SP110: variants seen among roughly 807,000 people sequenced by gnomAD.
SP110 encodes the protein interferon-induced protein 41, 30kD.
In SP110, 62 loss-of-function variants were observed where a neutral mutation model predicts 92.7. That is an observed-to-expected ratio of 0.67 (90% CI 0.55 to 0.83). The LOEUF is 0.83. Among genes scored for constraint, SP110 ranks in the 40% least tolerant of loss-of-function variants. The pLI is 0.00. For synonymous variants in SP110, 273 were observed against 305.3 expected (o/e 0.89, Z 1.10); for missense variants, 793 against 863.9 (o/e 0.92, Z 1.03).
intron 7 of SP110, among the ~76,000 whole-genome samples, chr2:230,208,849 G>A (rs1489031181): frequency 2.0e-5 from 3 of 152,286 alleles, no homozygotes; most frequent in African/African-American, 7.2e-5. Context: ...CTAGGAAAAG[G>A]CAGAGAGGAA....
chr2:230,218,245 G>A (rs1276597524), intron 1 of SP110, among the ~76,000 whole-genome samples: 9 of 152,168 alleles, frequency 5.9e-5, no homozygotes, highest in African/African-American at 9.7e-5. Flanking sequence ...AAAGTAAATC[G>A]TAATTAACAA....
At chr2:230,191,072 GT>G (rs968155659) in intron 10 of SP110, among the ~76,000 whole-genome samples, 102 of 151,624 alleles carry the variant, frequency 6.7e-4, no homozygotes, top group African/African-American at 2.2e-3. Flanking sequence ...ATTTAAAATA[GT>G]TTTTTTTTCT....
At chr2:230,196,700 A>T (rs1256769507) in intron 10 of SP110, among the ~76,000 whole-genome samples, 1 of 106,572 alleles carries the variant, frequency 9.4e-6, no homozygotes, top group Non-Finnish European at 2.0e-5. Context: ...TCCTCCCCGC[A>T]CCCCACAACA....
intron 10 of SP110, among the ~76,000 whole-genome samples, chr2:230,189,779 T>A (rs199868153): frequency 1.3e-5 from 2 of 152,138 alleles, no homozygotes; most frequent in East Asian, 3.9e-4. Context: ...CACTTATGAG[T>A]GAGAACATGC....
At chr2:230,178,812 C>T (rs984128598) in intron 12 of SP110, among the ~76,000 whole-genome samples, 1 of 152,218 alleles carries the variant, frequency 6.6e-6, no homozygotes, top group Non-Finnish European at 1.5e-5. Flanking sequence ...TTCCCAGTTG[C>T]TCATGGAGCA....
In SP110 at chr2:230,216,802, G is replaced by A. The variant is rs139246977; in HGVS notation, c.126C>T (p.Ile42=). The A allele has an allele frequency of 8.1e-6, 13 of 1,613,942 alleles. No individual in the cohort carries two copies. In the African/African-American group the frequency reaches 1.5e-4, roughly 18 times the overall value. The change falls in exon 2 of 19, where the codon ATC becomes ATT. Residue 42 remains isoleucine, a synonymous_variant. Coordinates refer to ENST00000258381, the MANE Select transcript of SP110 (RefSeq NM_080424.4). ...PFFEGLLDNS[I]ITKRMYMESL... is the part of the protein sequence containing the mutation. ...TCACCATGTACATTCTCTTAGTGAT[G>A]ATGGAGTTGTCTAGGAGGCCTTCAA...
At chr2:230,219,338 T>G (rs964121441) in intron 1 of SP110, among the ~76,000 whole-genome samples, 2 of 152,230 alleles carry the variant, frequency 1.3e-5, no homozygotes, top group African/African-American at 4.8e-5. Flanking sequence ...TCAGACACTG[T>G]GAGTGGGAAG....
chr2:230,220,017 C>CGA, upstream of SP110: 1 of 985,524 alleles, frequency 1.0e-6, no homozygotes, highest in Non-Finnish European at 1.2e-6. Context: ...GCCGGGCTTC[C>CGA]GAGAAAAGAA....
upstream of SP110, among the ~76,000 whole-genome samples, chr2:230,224,065 A>C (rs78177229): frequency 2.4e-4 from 36 of 152,290 alleles, 1 homozygote; most frequent in East Asian, 6.0e-3. Context: ...GAAAAACAAG[A>C]TAGTGGGAAA....
At chr2:230,222,615 C>G (rs2045913660), upstream of SP110, among the ~76,000 whole-genome samples, 1 of 151,300 alleles carries the variant, frequency 6.6e-6, no homozygotes, top group South Asian at 2.1e-4. Flanking sequence ...TCCCCGCTAT[C>G]AGGGAGACAG....
chr2:230,193,430 G>A (rs1041644992), intron 10 of SP110, among the ~76,000 whole-genome samples: 2 of 152,098 alleles, frequency 1.3e-5, no homozygotes, highest in South Asian at 4.1e-4. Context: ...TTTCTTCATT[G>A]TGTTATTGTT....
intron 14 of SP110, chr2:230,174,232 C>T (rs954690437): frequency 6.6e-6 from 1 of 152,186 alleles, no homozygotes; most frequent in Admixed American, 6.5e-5. Context: ...CTGACACTGT[C>T]AAAAAATAAT....
At chr2:230,186,202 T>G in intron 10 of SP110, 59 bp from the exon 11 acceptor site, 1 of 1,551,114 alleles carries the variant, frequency 6.4e-7, no homozygotes, top group Non-Finnish European at 8.9e-7. Flanking sequence ...TCCCAGCCCC[T>G]ACCCTTTCAG....
intron 10 of SP110, among the ~76,000 whole-genome samples, chr2:230,198,086 G>A (rs1451211294): frequency 2.6e-5 from 4 of 151,858 alleles, no homozygotes; most frequent in Non-Finnish European, 5.9e-5. Flanking sequence ...TCTATCACAT[G>A]AAGTTCTCTG....
At chr2:230,171,979 T>C in intron 16 of SP110, 87 bp downstream of exon 16, 1 of 903,534 alleles carries the variant, frequency 1.1e-6, no homozygotes, top group East Asian at 2.4e-5. Context: ...GAAGGCTCCC[T>C]TTGGTACATT....
chr2:230,189,629 T>G (rs2042518307), intron 10 of SP110, among the ~76,000 whole-genome samples: 1 of 152,260 alleles, frequency 6.6e-6, no homozygotes, highest in East Asian at 1.9e-4. Flanking sequence ...GTTTCTTACA[T>G]AGGTATGCAT....
At chr2:230,193,878 TGGGAGCAAAG>T (rs1386547183) in intron 10 of SP110, among the ~76,000 whole-genome samples, 3 of 152,238 alleles carry the variant, frequency 2.0e-5, no homozygotes, top group East Asian at 3.8e-4. Context: ...CAGTATTTGT[TGGGAGCAAAG>T]AGGAATTTAT....
intron 10 of SP110, among the ~76,000 whole-genome samples, chr2:230,197,295 G>A (rs369136891): frequency 0.077 from 11,643 of 150,330 alleles, 570 homozygotes; most frequent in South Asian, 0.23. Context: ...GATGGCCAGT[G>A]ATGATGAGCA....
intron 18 of SP110, 139 bp downstream of exon 18, chr2:230,170,482 T>G: frequency 1.0e-6 from 1 of 968,330 alleles, no homozygotes; most frequent in Non-Finnish European, 1.6e-6. Context: ...AATGCCGAGG[T>G]GGTTTTTTTT....
Sources: gnomAD v4.1 joint callset for allele counts (sites outside exome capture counted in the v4.1 genomes callset) on GRCh38, gnomAD v4.1.1 for gene constraint, MANE v1.5 for transcripts, NCBI Gene and HGNC (gene_info 2026-07-23, HGNC 2026-07-21) for gene names.